HS3ST4: variants seen among roughly 807,000 people sequenced by gnomAD.
The protein encoded by HS3ST4 is heparan sulfate-glucosamine 3-sulfotransferase 4.
In HS3ST4, 17 loss-of-function variants were observed where a neutral mutation model predicts 29.2. That is an observed-to-expected ratio of 0.58 (90% CI 0.40 to 0.87). The LOEUF is 0.87. Ranked by LOEUF, HS3ST4 falls within the 40% of genes least tolerant of loss-of-function variation. HS3ST4 has a pLI of 0.00. For synonymous variants in HS3ST4, 314 were observed against 285.7 expected (o/e 1.10, Z -1.00); for missense variants, 627 against 634.5 (o/e 0.99, Z 0.13).
At chr16:26,125,735 A>G (rs1040235272) in intron 1 of HS3ST4, among the ~76,000 whole-genome samples, 3 of 152,146 alleles carry the variant, frequency 2.0e-5, no homozygotes, top group Admixed American at 2.0e-4. Context: ...ACTCCCTCCT[A>G]AAATCCTTCG....
At chr16:25,857,907 CCTTCCTTCCTTCCTTTCTTT>C (rs1267179822) in intron 1 of HS3ST4, among the ~76,000 whole-genome samples, 2 of 55,962 alleles carry the variant, frequency 3.6e-5, no homozygotes, top group Admixed American at 3.6e-4. Flanking sequence ...TTTCTTCCTT[CCTTCCTTCCTTCCTTTCTTT>C]CTTTCTTTCT....
chr16:25,801,877 G>A (rs1038040394), intron 1 of HS3ST4, among the ~76,000 whole-genome samples: 1 of 150,866 alleles, frequency 6.6e-6, no homozygotes, highest in Non-Finnish European at 1.5e-5. Flanking sequence ...TATATTTTAT[G>A]TATATATTTT....
At chr16:25,906,768 G>A (rs940387209) in intron 1 of HS3ST4, among the ~76,000 whole-genome samples, 16 of 152,160 alleles carry the variant, frequency 1.1e-4, no homozygotes, top group African/African-American at 2.9e-4. Flanking sequence ...ATATGCCAAC[G>A]TGGCTGGTAT....
At position 25,772,341 on chromosome 16, in the gene HS3ST4, T is replaced by A. The variant is rs560605673; in HGVS notation, c.734+79190T>A. On this transcript the variant is annotated intron_variant, in intron 1 of 1. Coordinates refer to ENST00000331351, the MANE Select transcript of HS3ST4 (RefSeq NM_006040.3). ...TTGATAGCCCATTTAGCTGACATCTTACTAGAGAATTACAGTAGAGCTATG... is the reference window on the plus strand; with the variant it reads ...TTGATAGCCCATTTAGCTGACATCTAACTAGAGAATTACAGTAGAGCTATG... 2.0e-5 allele frequency among the ~76,000 whole-genome samples: 3 copies of A among 152,362 alleles called. No homozygotes were observed. The South Asian group carries it at 6.2e-4, about 32-fold the overall frequency.
At chr16:25,955,243 G>T (rs575646724) in intron 1 of HS3ST4, among the ~76,000 whole-genome samples, 3 of 152,312 alleles carry the variant, frequency 2.0e-5, no homozygotes, top group Admixed American at 2.0e-4. Context: ...TTCAAAGAGA[G>T]GCTAGTTGGC....
At chr16:25,735,481 T>G (rs1966602350) in intron 1 of HS3ST4, among the ~76,000 whole-genome samples, 1 of 152,104 alleles carries the variant, frequency 6.6e-6, no homozygotes, top group Non-Finnish European at 1.5e-5. Context: ...CTTGAACTCC[T>G]GGGCTTAAGC....
At chr16:25,735,763 A>G (rs530185195) in intron 1 of HS3ST4, among the ~76,000 whole-genome samples, 1 of 152,250 alleles carries the variant, frequency 6.6e-6, no homozygotes, top group East Asian at 1.9e-4. Flanking sequence ...TTTCAGCAAA[A>G]GTTTTAAGGC....
intron 1 of HS3ST4, among the ~76,000 whole-genome samples, chr16:26,134,168 A>AGCT (rs1253846998): frequency 6.6e-6 from 1 of 152,060 alleles, no homozygotes; most frequent in Non-Finnish European, 1.5e-5. Flanking sequence ...GGAGTGGAGG[A>AGCT]GCAGCCTTAG....
chr16:25,790,299 A>G (rs1185681928), intron 1 of HS3ST4, among the ~76,000 whole-genome samples: 1 of 152,098 alleles, frequency 6.6e-6, no homozygotes, highest in Admixed American at 6.6e-5. Flanking sequence ...AATCCCATCT[A>G]CTCAGAGGCT....
At chr16:25,887,858 C>T (rs1967970788) in intron 1 of HS3ST4, among the ~76,000 whole-genome samples, 1 of 151,870 alleles carries the variant, frequency 6.6e-6, no homozygotes, top group Admixed American at 6.6e-5. Flanking sequence ...CCACCACGCC[C>T]AGCTAGTTTT....
chr16:25,821,899 GA>G (rs1472932007), intron 1 of HS3ST4, among the ~76,000 whole-genome samples: 2 of 150,540 alleles, frequency 1.3e-5, no homozygotes, highest in East Asian at 1.9e-4. Context: ...ATCTCTTAAA[GA>G]AAAAAAAAGG....
chr16:26,002,456 A>G (rs1969220065), intron 1 of HS3ST4, among the ~76,000 whole-genome samples: 1 of 152,080 alleles, frequency 6.6e-6, no homozygotes, highest in Non-Finnish European at 1.5e-5. Context: ...CTTATAGAGG[A>G]AATAAACCAG....
intron 1 of HS3ST4, among the ~76,000 whole-genome samples, chr16:26,018,208 G>A (rs1474362593): frequency 6.6e-6 from 1 of 152,146 alleles, no homozygotes; most frequent in African/African-American, 2.4e-5. Context: ...GCATAGTGGG[G>A]CTGCATTATA....
chr16:26,086,277 A>G (rs1473985699), intron 1 of HS3ST4, among the ~76,000 whole-genome samples: 4 of 152,218 alleles, frequency 2.6e-5, no homozygotes, highest in South Asian at 2.1e-4. Context: ...TTTGTTATCT[A>G]TTGTCTGACT....
chr16:25,935,830 T>A (rs1045749044), intron 1 of HS3ST4, among the ~76,000 whole-genome samples: 6 of 152,182 alleles, frequency 3.9e-5, no homozygotes, highest in Non-Finnish European at 8.8e-5. Flanking sequence ...ATTGAGACAT[T>A]TATGTGAAAT....
intron 1 of HS3ST4, among the ~76,000 whole-genome samples, chr16:25,712,305 T>C (rs1488579901): frequency 1.3e-5 from 2 of 152,100 alleles, no homozygotes; most frequent in Non-Finnish European, 2.9e-5. Flanking sequence ...GCAGATTACT[T>C]GAGTCAAGGG....
intron 1 of HS3ST4, among the ~76,000 whole-genome samples, chr16:25,846,853 T>C (rs1213576337): frequency 6.6e-6 from 1 of 152,162 alleles, no homozygotes; most frequent in Non-Finnish European, 1.5e-5. Flanking sequence ...GTTTTCCGCA[T>C]GTGCACTGCA....
intron 1 of HS3ST4, among the ~76,000 whole-genome samples, chr16:25,907,578 C>G (rs1466844473): frequency 6.6e-6 from 1 of 152,118 alleles, no homozygotes; most frequent in Non-Finnish European, 1.5e-5. Flanking sequence ...CTGGACAGCT[C>G]AAAGCACACA....
At chr16:25,961,758 A>C (rs1029494771) in intron 1 of HS3ST4, among the ~76,000 whole-genome samples, 2 of 152,158 alleles carry the variant, frequency 1.3e-5, no homozygotes, top group African/African-American at 2.4e-5. Flanking sequence ...GCACAGGTAG[A>C]TTGTGGAACT....
Sources: gnomAD v4.1 joint callset for allele counts (sites outside exome capture counted in the v4.1 genomes callset) on GRCh38, gnomAD v4.1.1 for gene constraint, MANE v1.5 for transcripts, NCBI Gene and HGNC (gene_info 2026-07-23, HGNC 2026-07-21) for gene names.